The following GATAD2B variants were observed in gnomAD, a reference collection of about 807,000 sequenced individuals.
GATAD2B encodes the protein transcriptional repressor p66-beta.
Under a neutral mutation model 64.3 loss-of-function variants are expected in GATAD2B, and 8 were observed. The ratio of observed to expected loss-of-function variants is 0.12; its 90% CI spans 0.07 to 0.22. The LOEUF (loss-of-function observed/expected upper bound fraction) is 0.22. GATAD2B is among the 10% of genes least tolerant of loss of function. The probability of loss-of-function intolerance (pLI) is 1.00; values close to 1 mark genes in which losing one functional copy is unlikely to be tolerated. For synonymous variants in GATAD2B, 281 were observed against 271.3 expected, an observed-to-expected ratio of 1.04 and a Z score of -0.35; for missense variants, 453 against 752.0, an observed-to-expected ratio of 0.60 and a Z score of 4.65.
intron 1 of GATAD2B, among the ~76,000 whole-genome samples, chr1:153,858,980 G>T (rs1484216928): frequency 6.6e-6 from 1 of 152,066 alleles, no homozygotes; most frequent in Non-Finnish European, 1.5e-5. Context: ...AACAAGTAGA[G>T]GTCACAGCAA....
chr1:153,813,717 C>T (rs1385011498), intron 7 of GATAD2B, among the ~76,000 whole-genome samples: 1 of 152,170 alleles, frequency 6.6e-6, no homozygotes, highest in African/African-American at 2.4e-5. Context: ...GTGGCTCACC[C>T]CTACAGTCCC....
At chr1:153,810,352 G>C (rs1674251612) in intron 10 of GATAD2B, 42 bp from the exon 11 acceptor site, 1 of 1,601,078 alleles carries the variant, frequency 6.2e-7, no homozygotes, top group South Asian at 1.1e-5. Flanking sequence ...TATTAAAAGA[G>C]GAAATAACAT....
At chr1:153,907,351 C>T (rs934393538) in intron 1 of GATAD2B, among the ~76,000 whole-genome samples, 2 of 152,162 alleles carry the variant, frequency 1.3e-5, no homozygotes, top group East Asian at 3.8e-4. Context: ...ATACATGCTA[C>T]AACATGGATA....
chr1:153,862,805 ACCT>A (rs781124091), intron 1 of GATAD2B, among the ~76,000 whole-genome samples: 176 of 149,494 alleles, frequency 1.2e-3, no homozygotes, highest in Non-Finnish European at 2.1e-3. Flanking sequence ...GCTCACCACA[ACCT>A]CCACCTCCCG....
rs71093286 is a variant in GATAD2B at position 153,816,059 on chromosome 1, AACACACACACACACACACACACACAC to A, written c.1216+188_1216+213del. ...CAGAGCGAGACTGCATCTCAAACAA[AACACACACACACACACACACACACAC>A]ACACACACACACACACTCCGCTTCT... On this transcript the variant is annotated intron_variant, in intron 7 of 10. Coordinates refer to ENST00000368655, the MANE Select transcript of GATAD2B (RefSeq NM_020699.4). This position sits in a 1 kb window ranked among gnomAD's most constrained non-coding sequence, Gnocchi z 4.9. 7.1e-6 allele frequency among the ~76,000 whole-genome samples: 1 copy of A among 141,792 alleles called. No homozygotes were observed. The highest frequency in any genetic ancestry group is 2.1e-4 in the East Asian group (1 of 4,726). The allele number at this position is 141,792 out of a possible 152,430, so 93.0% of individuals were successfully genotyped here.
intron 1 of GATAD2B, among the ~76,000 whole-genome samples, chr1:153,916,354 G>T (rs1183757280): frequency 6.6e-6 from 1 of 151,306 alleles, no homozygotes; most frequent in African/African-American, 2.4e-5. Context: ...CCCAAAATAA[G>T]AGCTGTTGAA....
intron 1 of GATAD2B, among the ~76,000 whole-genome samples, chr1:153,905,358 C>G (rs1677893132): frequency 1.3e-5 from 2 of 151,708 alleles, no homozygotes; most frequent in Admixed American, 6.6e-5. Context: ...GCCTGGGTGA[C>G]AGAGCCTGAC....
intron 1 of GATAD2B, among the ~76,000 whole-genome samples, chr1:153,918,906 A>C (rs1678346820): frequency 6.6e-6 from 1 of 152,112 alleles, no homozygotes. Context: ...AGCTGAGATC[A>C]CACCACTGCA....
chr1:153,906,363 G>C (rs977519956), intron 1 of GATAD2B, among the ~76,000 whole-genome samples: 1 of 152,134 alleles, frequency 6.6e-6, no homozygotes, highest in African/African-American at 2.4e-5. Context: ...AGGTTGCAGT[G>C]AACCAAGATT....
chr1:153,815,590 C>T (rs892159568), intron 7 of GATAD2B, among the ~76,000 whole-genome samples: 1 of 151,346 alleles, frequency 6.6e-6, no homozygotes, highest in Non-Finnish European at 1.5e-5. Context: ...CTACAAAAAA[C>T]ACACAAGATA....
Position 153,811,867 on chromosome 1 carries a change from A to G in GATAD2B, c.1531-19T>C, listed in dbSNP as rs757063342. ...GTGGAGCCTGCAATGATGAGGAGAC[A>G]GTGGATACAACTTTGATATGATAGA... On this transcript the variant is annotated intron_variant, in intron 9 of 10. Transcript: ENST00000368655. 1.3e-6 allele frequency: 2 copies of G among 1,505,288 alleles called. No homozygotes were observed. Among genetic ancestry groups the G allele is most frequent in the South Asian group, 2.3e-5 (2 of 88,068 alleles). 93.2% of individuals were successfully genotyped at this position (1,505,288 alleles called of 1,614,324 possible). A position where few individuals can be genotyped will look rare whatever the true frequency, so the allele number is the denominator to read the frequency against.
intron 1 of GATAD2B, among the ~76,000 whole-genome samples, chr1:153,864,218 C>T (rs535356338): frequency 5.0e-4 from 76 of 152,124 alleles, no homozygotes; most frequent in Non-Finnish European, 7.8e-4. Flanking sequence ...AAAGTGCACT[C>T]CAAAAGGAAG....
chr1:153,853,930 C>T (rs1036948561), intron 1 of GATAD2B, among the ~76,000 whole-genome samples: 3 of 152,128 alleles, frequency 2.0e-5, no homozygotes, highest in Admixed American at 6.5e-5. Context: ...TTCCCATCTA[C>T]CCCCAGCCAG....
chr1:153,890,260 C>T (rs1013368486), intron 1 of GATAD2B, among the ~76,000 whole-genome samples: 12 of 151,358 alleles, frequency 7.9e-5, no homozygotes, highest in Admixed American at 4.0e-4. Flanking sequence ...GAGGCCGAGG[C>T]GAGTGATCAC....
At chr1:153,851,743 T>C (rs1319241099) in intron 1 of GATAD2B, among the ~76,000 whole-genome samples, 6 of 152,154 alleles carry the variant, frequency 3.9e-5, no homozygotes, top group African/African-American at 1.4e-4. Flanking sequence ...GCTCAGATCA[T>C]ACCAGAGCAG....
At chr1:153,826,494 G>A (rs142352819) in intron 2 of GATAD2B, among the ~76,000 whole-genome samples, 1 of 152,234 alleles carries the variant, frequency 6.6e-6, no homozygotes, top group African/African-American at 2.4e-5. Flanking sequence ...TGGGTGTGCA[G>A]GCACGCGCCT....
At chr1:153,868,087 G>A (rs1057391100) in intron 1 of GATAD2B, among the ~76,000 whole-genome samples, 2 of 150,114 alleles carry the variant, frequency 1.3e-5, no homozygotes, top group Admixed American at 6.6e-5. Flanking sequence ...TGTAGTCCCA[G>A]CTACTCAGGA....
chr1:153,810,365 C>T, intron 10 of GATAD2B, 55 bp from the exon 11 acceptor site: 1 of 1,572,116 alleles, frequency 6.4e-7, no homozygotes. Flanking sequence ...AATAACATTC[C>T]CTTCCACTCT....
intron 1 of GATAD2B, among the ~76,000 whole-genome samples, chr1:153,888,192 G>A (rs1379290536): frequency 6.6e-6 from 1 of 151,758 alleles, no homozygotes; most frequent in East Asian, 1.9e-4. Flanking sequence ...TACAGCACAA[G>A]ATGTGTCTAG....
Sources: allele counts gnomAD v4.1 joint callset (sites outside exome capture counted in the v4.1 genomes callset), GRCh38; gene constraint gnomAD v4.1.1; non-coding constraint Gnocchi (gnomAD v3.1); transcripts MANE v1.5; gene names NCBI Gene and HGNC (gene_info 2026-07-23, HGNC 2026-07-21).